The following KSR2 variants were observed in gnomAD, a reference collection of about 807,000 sequenced individuals.
KSR2 encodes the protein kinase suppressor of ras 2.
Under a neutral mutation model 107.8 loss-of-function variants are expected in KSR2, and 25 were observed. The observed-to-expected ratio is 0.23, with a 90% confidence interval of 0.17 to 0.32. The LOEUF (loss-of-function observed/expected upper bound fraction) is 0.32. KSR2 is among the 10% of genes least tolerant of loss of function. KSR2 has a pLI of 1.00. For synonymous variants in KSR2, 480 were observed against 507.0 expected, an observed-to-expected ratio of 0.95 and a Z score of 0.71; for missense variants, 887 against 1,268.9, an observed-to-expected ratio of 0.70 and a Z score of 4.57.
At position 117,848,818 on chromosome 12, in the gene KSR2, GGGTGGTGATGGTGGTA is replaced by G. The variant is rs1566048264; in HGVS notation, c.472+6594_472+6609del. On this transcript the variant is annotated intron_variant, in intron 3 of 19. Transcript: ENST00000339824. ...TGGTGGTAACAACAGTGATGGTGGTGGGTGGTGATGGTGGTAGTGGTGGTGATGGTGATGATGGTGA... is the reference window on the plus strand; with the variant it reads ...TGGTGGTAACAACAGTGATGGTGGTGGTGGTGGTGATGGTGATGATGGTGA... Among the ~76,000 whole-genome samples, 3 of 143,244 alleles carry G rather than the reference GGGTGGTGATGGTGGTA, an allele frequency of 2.1e-5. No homozygotes were observed. The South Asian group carries it at 7.2e-4, about 34-fold the overall frequency. 94.0% of individuals were successfully genotyped at this position (143,244 alleles called of 152,430 possible).
chr12:117,466,960 G>C lies in KSR2; in HGVS notation c.*239C>G, dbSNP rs1304455782. Reference sequence around the variant, plus strand: ...CCCCTGGGCCGCACTGATCAATAACGCATCACCCTGGCTGGTCCGGTTCAG... The same window carrying C: ...CCCCTGGGCCGCACTGATCAATAACCCATCACCCTGGCTGGTCCGGTTCAG... On this transcript the variant is annotated 3_prime_UTR_variant, in exon 20 of 20. Coordinates refer to ENST00000339824, the MANE Select transcript of KSR2 (RefSeq NM_173598.6). 6.7e-6 allele frequency: 3 copies of C among 449,578 alleles called. No individual in the cohort carries two copies. Among genetic ancestry groups the C allele is most frequent in the African/African-American group, 4.1e-5 (2 of 48,996 alleles). The allele number at this position is 449,578 out of a possible 1,614,324, so 27.8% of individuals were successfully genotyped here.
At chr12:117,787,213 G>T (rs1890108513) in intron 3 of KSR2, among the ~76,000 whole-genome samples, 1 of 152,134 alleles carries the variant, frequency 6.6e-6, no homozygotes, top group Non-Finnish European at 1.5e-5. Flanking sequence ...GAGACTGTAA[G>T]GTCTGTGCAG....
intron 3 of KSR2, among the ~76,000 whole-genome samples, chr12:117,777,088 T>TTATATATA (rs1288633301): frequency 0.01 from 1,359 of 132,462 alleles, 24 homozygotes; most frequent in African/African-American, 0.035. Context: ...TATATATATT[T>TTATATATA]TATATATATA....
chr12:117,617,430 T>C (rs1003158690), intron 5 of KSR2, among the ~76,000 whole-genome samples: 7 of 152,342 alleles, frequency 4.6e-5, no homozygotes, highest in South Asian at 2.1e-4. Context: ...ATCTCTGCTG[T>C]AATTCTCTAT....
In KSR2 at chr12:117,789,763, C is replaced by A. The variant is rs115928673; in HGVS notation, c.473-28239G>T. ...TCCTATAAGCAATTCTATTTAGTTG[C>A]ACAAAGCACTACTGAGTGTCAGGTA... On this transcript the variant is annotated intron_variant, in intron 3 of 19. Coordinates refer to ENST00000339824, the MANE Select transcript of KSR2 (RefSeq NM_173598.6). Among the ~76,000 whole-genome samples the A allele has an allele frequency of 5.5e-3, 836 of 152,246 alleles. 8 individuals are homozygous for A. Among genetic ancestry groups the A allele is most frequent in the African/African-American group, 0.019 (775 of 41,536 alleles).
chr12:117,915,894 C>A (rs1020987112), intron 1 of KSR2, among the ~76,000 whole-genome samples: 1 of 152,086 alleles, frequency 6.6e-6, no homozygotes, highest in Non-Finnish European at 1.5e-5. Flanking sequence ...CACCCAGAAT[C>A]AACAAAACCT....
At chr12:117,611,746 C>CA (rs1161025419) in intron 5 of KSR2, among the ~76,000 whole-genome samples, 1 of 152,144 alleles carries the variant, frequency 6.6e-6, no homozygotes, top group Non-Finnish European at 1.5e-5. Flanking sequence ...ATAATTCTAA[C>CA]CAGTGATAAC....
At chr12:117,896,844 T>A (rs913250990) in intron 1 of KSR2, among the ~76,000 whole-genome samples, 1 of 152,176 alleles carries the variant, frequency 6.6e-6, no homozygotes, top group African/African-American at 2.4e-5. Flanking sequence ...TGTCATTTTT[T>A]AAAAATTCTC....
At chr12:117,953,325 G>A (rs965573455) in intron 1 of KSR2, among the ~76,000 whole-genome samples, 1 of 152,084 alleles carries the variant, frequency 6.6e-6, no homozygotes, top group African/African-American at 2.4e-5. Context: ...TCTGCCCCTG[G>A]TATACACCAA....
chr12:117,610,115 C>A (rs1268596345), intron 5 of KSR2, among the ~76,000 whole-genome samples: 1 of 152,028 alleles, frequency 6.6e-6, no homozygotes, highest in African/African-American at 2.4e-5. Flanking sequence ...TCTGAGTATG[C>A]TTTCTAGATA....
At chr12:117,941,792 A>ATTTTTTT (rs542293863) in intron 1 of KSR2, among the ~76,000 whole-genome samples, 1 of 97,802 alleles carries the variant, frequency 1.0e-5, no homozygotes, top group African/African-American at 4.1e-5. Flanking sequence ...GGCCTGGCTA[A>ATTTTTTT]TTTTTTTTTT....
At chr12:117,524,079 C>A (rs1874948253) in intron 14 of KSR2, among the ~76,000 whole-genome samples, 1 of 152,188 alleles carries the variant, frequency 6.6e-6, no homozygotes, top group Non-Finnish European at 1.5e-5. Flanking sequence ...CACAGCCCTG[C>A]AATTTCATTT....
At chr12:117,479,846 C>T (rs1341076421) in intron 16 of KSR2, among the ~76,000 whole-genome samples, 3 of 152,194 alleles carry the variant, frequency 2.0e-5, no homozygotes, top group African/African-American at 7.2e-5. Flanking sequence ...GTTGAAGGCT[C>T]TTACTTACTA....
At chr12:117,482,615 G>A (rs975948837) in intron 16 of KSR2, among the ~76,000 whole-genome samples, 1 of 152,174 alleles carries the variant, frequency 6.6e-6, no homozygotes, top group African/African-American at 2.4e-5. Context: ...TGACTTGGTT[G>A]AACTAACTTC....
intron 10 of KSR2, among the ~76,000 whole-genome samples, chr12:117,538,298 G>T (rs190553547): frequency 6.6e-6 from 1 of 152,210 alleles, no homozygotes; most frequent in Non-Finnish European, 1.5e-5. Flanking sequence ...ATATGAGGCT[G>T]TTAAATTCAG....
At chr12:117,884,298 G>A (rs1894111173) in intron 1 of KSR2, among the ~76,000 whole-genome samples, 1 of 152,120 alleles carries the variant, frequency 6.6e-6, no homozygotes, top group African/African-American at 2.4e-5. Flanking sequence ...GCAAAAGGAA[G>A]AGAGAAAAAG....
chr12:117,627,815 C>T (rs1882601771), intron 5 of KSR2, among the ~76,000 whole-genome samples: 1 of 152,200 alleles, frequency 6.6e-6, no homozygotes, highest in East Asian at 1.9e-4. Context: ...TGGTTCCATT[C>T]TCTGCATCAC....
intron 5 of KSR2, among the ~76,000 whole-genome samples, chr12:117,637,289 G>A (rs1006828065): frequency 8.5e-5 from 13 of 152,296 alleles, no homozygotes; most frequent in East Asian, 1.9e-4. Context: ...TCCCCACCTC[G>A]GGGCACATTT....
rs536340343 is a variant in KSR2, at chr12:117,634,327, A to G, written c.1171+33147T>C. Among the ~76,000 whole-genome samples the G allele has an allele frequency of 3.9e-5, 6 of 152,230 alleles. No homozygotes were observed. In the East Asian group the frequency reaches 5.8e-4, roughly 15 times the overall value. On this transcript the variant is annotated intron_variant, in intron 5 of 19. Coordinates refer to ENST00000339824, the MANE Select transcript of KSR2 (RefSeq NM_173598.6). ...GTTGTCATTCATCTAATGGAAGGAG[A>G]AAGACAAAATATGCAAGACGGAACT... is the stretch of plus-strand genomic sequence containing the variant.
Sources: allele counts gnomAD v4.1 joint callset (sites outside exome capture counted in the v4.1 genomes callset), GRCh38; gene constraint gnomAD v4.1.1; transcripts MANE v1.5; gene names NCBI Gene and HGNC (gene_info 2026-07-23, HGNC 2026-07-21).